The following DNAH8 variants were observed in gnomAD, a reference collection of about 807,000 sequenced individuals.
DNAH8 encodes dynein axonemal heavy chain 8.
A neutral mutation model predicts 562.1 loss-of-function variants in DNAH8; 382 were observed. The observed-to-expected ratio is 0.68, with a 90% CI of 0.63 to 0.74. The LOEUF (loss-of-function observed/expected upper bound fraction) is 0.74, where lower values mean the gene tolerates loss of function less well. Among genes scored for constraint, DNAH8 ranks in the 30% least tolerant of loss-of-function variants. The pLI, the probability that DNAH8 is intolerant of heterozygous loss-of-function variation, is 0.00. For synonymous variants in DNAH8, 1,881 were observed against 1,919.4 expected, an observed-to-expected ratio of 0.98 and a Z score of 0.52; for missense variants, 5,203 against 5,620.4, an observed-to-expected ratio of 0.93 and a Z score of 2.37.
chr6:38,871,449 G>C (rs1777459682), intron 49 of DNAH8, among the ~76,000 whole-genome samples: 2 of 152,112 alleles, frequency 1.3e-5, no homozygotes, highest in Non-Finnish European at 2.9e-5. Flanking sequence ...CCATCTCAAT[G>C]GGTGGCGACT....
intron 33 of DNAH8, among the ~76,000 whole-genome samples, chr6:38,839,221 T>C (rs759532428): frequency 3.3e-5 from 5 of 152,206 alleles, no homozygotes; most frequent in Non-Finnish European, 5.9e-5. Flanking sequence ...TGAGATCCAA[T>C]GCGTTCACCC....
At chr6:39,011,658 A>G (rs865990457) in intron 89 of DNAH8, among the ~76,000 whole-genome samples, 1 of 152,250 alleles carries the variant, frequency 6.6e-6, no homozygotes, top group East Asian at 1.9e-4. Flanking sequence ...CAGATATTTA[A>G]CTGGCTGTCC....
At chr6:38,729,137 A>G (rs565868413) in intron 3 of DNAH8, among the ~76,000 whole-genome samples, 1 of 152,258 alleles carries the variant, frequency 6.6e-6, no homozygotes, top group African/African-American at 2.4e-5. Flanking sequence ...TGGGAGGTAG[A>G]GGTTGCAGTG....
intron 59 of DNAH8, among the ~76,000 whole-genome samples, 196 bp from the exon 60 acceptor site, chr6:38,895,837 T>C (rs1341614635): frequency 6.6e-6 from 1 of 152,212 alleles, no homozygotes; most frequent in African/African-American, 2.4e-5. Flanking sequence ...TCATCTGTGT[T>C]TTCTATAAGT....
At chr6:38,781,056 G>A (rs1192231838) in intron 15 of DNAH8, among the ~76,000 whole-genome samples, 198 bp from the exon 16 acceptor site, 1 of 152,176 alleles carries the variant, frequency 6.6e-6, no homozygotes, top group African/African-American at 2.4e-5. Context: ...AAGGTGAAGA[G>A]AAAATTAAGT....
chr6:38,746,914 A>G (rs1431679605), intron 8 of DNAH8, among the ~76,000 whole-genome samples: 1 of 151,882 alleles, frequency 6.6e-6, no homozygotes, highest in Non-Finnish European at 1.5e-5. Flanking sequence ...GTGTGTTGGG[A>G]GTGAGACTCC....
At chr6:38,787,007 ATATG>A in intron 18 of DNAH8, 55 bp downstream of exon 18, 2 of 1,085,072 alleles carry the variant, frequency 1.8e-6, no homozygotes, top group Non-Finnish European at 2.5e-6. Context: ...GGTAAAAAAA[ATATG>A]TATATATATA....
chr6:38,738,854 ACT>A (rs976915294), intron 7 of DNAH8, among the ~76,000 whole-genome samples: 1 of 151,676 alleles, frequency 6.6e-6, no homozygotes, highest in Non-Finnish European at 1.5e-5. Context: ...CCACTGGATA[ACT>A]CTTGCAGCCA....
At chr6:38,870,305 C>A in intron 48 of DNAH8, 96 bp from the exon 49 acceptor site, 1 of 1,062,446 alleles carries the variant, frequency 9.4e-7, no homozygotes, top group Non-Finnish European at 1.4e-6. Context: ...AAATGGTTCT[C>A]TGGGGATGAA....
intron 21 of DNAH8, among the ~76,000 whole-genome samples, chr6:38,798,363 C>G (rs1050585327): frequency 6.6e-5 from 10 of 152,292 alleles, no homozygotes; most frequent in African/African-American, 2.4e-4. Context: ...CTGGCGTACC[C>G]CTAAGGCACT....
At chr6:38,802,216 A>G (rs1562834936) in intron 21 of DNAH8, among the ~76,000 whole-genome samples, 1 of 152,062 alleles carries the variant, frequency 6.6e-6, no homozygotes, top group Non-Finnish European at 1.5e-5. Flanking sequence ...GATTACAGGT[A>G]TGAGCCACTG....
chr6:38,925,999 T>A, intron 73 of DNAH8, 56 bp from the exon 74 acceptor site: 1 of 1,451,662 alleles, frequency 6.9e-7, no homozygotes, highest in Non-Finnish European at 9.3e-7. Flanking sequence ...TTTTAATTAC[T>A]AATGAGGGCA....
Position 38,822,970 on chromosome 6 carries a change from A to C in DNAH8, c.3656A>C (p.Glu1219Ala). 1 of 1,613,076 alleles carries C rather than the reference A, an allele frequency of 6.2e-7. No individual in the cohort carries two copies. Among genetic ancestry groups the C allele is most frequent in the Non-Finnish European group, 8.5e-7 (1 of 1,179,642 alleles). ...AATTCCCTAAGAAAGGCAGCTCATG[A>C]GGCCCTGCAGGACTTTCAGAAGTAC... ...SVNSLRKAAH[E>A]ALQDFQKYKT... The change falls in exon 27 of 93, where the codon GAG becomes GCG. Residue 1219 changes from glutamate (E) to alanine (A), a missense_variant. Physicochemically the swap from Glu to Ala is moderately radical, Grantham distance 107. Around this residue, in one of 6 missense-constraint regions of DNAH8, gnomAD observed 2,176 missense variants for 2,365.1 expected, o/e 0.92. Transcript: ENST00000327475.
At chr6:38,908,731 T>C (rs1458161609) in intron 64 of DNAH8, among the ~76,000 whole-genome samples, 1 of 152,164 alleles carries the variant, frequency 6.6e-6, no homozygotes, top group Non-Finnish European at 1.5e-5. Context: ...TTTTGTATTT[T>C]TTGTAGAGAC....
chr6:38,750,887 C>T (rs976320395), intron 9 of DNAH8, among the ~76,000 whole-genome samples: 1 of 152,120 alleles, frequency 6.6e-6, no homozygotes, highest in Admixed American at 6.5e-5. Context: ...TATACATTTT[C>T]CTCTTATGTG....
chr6:38,791,524 T>G lies in DNAH8; in HGVS notation c.2782-31T>G, dbSNP rs368461518. ...AACCTAGCTCTAAAGGAAAGAAGAG[T>G]TTTTTTTTCTTACATTTTTCTTCCT... On this transcript the variant is annotated intron_variant, in intron 20 of 92. Coordinates refer to ENST00000327475, the MANE Select transcript of DNAH8 (RefSeq NM_001206927.2). The G allele has an allele frequency of 2.9e-5, 46 of 1,578,672 alleles. 1 individual carries two copies. The highest frequency in any genetic ancestry group is 1.3e-4 in the Admixed American group (7 of 53,678).
At chr6:38,793,370 A>AT (rs1769933384) in intron 21 of DNAH8, among the ~76,000 whole-genome samples, 1 of 151,414 alleles carries the variant, frequency 6.6e-6, no homozygotes, top group Non-Finnish European at 1.5e-5. Flanking sequence ...TAAGATGATT[A>AT]TATCTTCTGG....
At chr6:38,772,443 C>T (rs1765323098) in intron 12 of DNAH8, among the ~76,000 whole-genome samples, 3 of 152,122 alleles carry the variant, frequency 2.0e-5, no homozygotes, top group Admixed American at 1.3e-4. Context: ...TTGCATTTCC[C>T]TGAGGGCTAA....
At chr6:38,996,694 A>T (rs34581176) in intron 88 of DNAH8, among the ~76,000 whole-genome samples, 37,760 of 151,916 alleles carry the variant, frequency 0.25, 4,946 homozygotes, top group Middle Eastern at 0.36. Flanking sequence ...TCAAGGGGGG[A>T]CTGATAGGAC....
Sources: allele counts gnomAD v4.1 joint callset (sites outside exome capture counted in the v4.1 genomes callset), GRCh38; gene constraint gnomAD v4.1.1; regional missense constraint gnomAD v4.1.1; transcripts MANE v1.5; gene names NCBI Gene and HGNC (gene_info 2026-07-23, HGNC 2026-07-21).